DNAJC6: variants seen among roughly 807,000 people sequenced by gnomAD.
DNAJC6 encodes the protein DnaJ heat shock protein family (Hsp40) member C6.
DNAJC6 carries 34 observed loss-of-function variants against 110.0 expected under a neutral mutation model. The observed-to-expected ratio is 0.31, with a 90% CI of 0.24 to 0.41. The LOEUF (loss-of-function observed/expected upper bound fraction) is 0.41. Among genes scored for constraint, DNAJC6 ranks in the 10% least tolerant of loss-of-function variants. The pLI is 1.00. For synonymous variants in DNAJC6, 406 were observed against 437.2 expected, an observed-to-expected ratio of 0.93 and a Z score of 0.89; for missense variants, 1,031 against 1,207.8, an observed-to-expected ratio of 0.85 and a Z score of 2.17.
At chr1:65,302,147 A>T (rs1194900538) in intron 1 of DNAJC6, among the ~76,000 whole-genome samples, 2 of 141,480 alleles carry the variant, frequency 1.4e-5, no homozygotes, top group Admixed American at 7.2e-5. Context: ...AATACGTATT[A>T]TATATATTTA....
chr1:65,294,930 G>C (rs1644915300), intron 1 of DNAJC6, among the ~76,000 whole-genome samples: 1 of 152,194 alleles, frequency 6.6e-6, no homozygotes. Context: ...AGGATTCTAA[G>C]TGGTAGCATG....
In DNAJC6 at chr1:65,415,449, A is replaced by AACACACACACACACAC. The variant is rs68183979; in HGVS notation, c.*2446_*2461dup. 1.4e-5 allele frequency: 2 copies of AACACACACACACACAC among 144,524 alleles called. No individual in the cohort carries two copies. Among genetic ancestry groups the AACACACACACACACAC allele is most frequent in the Admixed American group, 6.9e-5 (1 of 14,474 alleles). 9.0% of individuals were successfully genotyped at this position (144,524 alleles called of 1,614,324 possible). The stretch of plus-strand genomic sequence containing the variant: ...ATTTATACGTAATCACTCCTGCCCC[A>AACACACACACACACAC]ACACACACACACACACACACACACA... On this transcript the variant is annotated 3_prime_UTR_variant, in exon 19 of 19. Transcript: ENST00000371069.
Position 65,364,647 on chromosome 1 carries a change from C to T in DNAJC6, c.206C>T (p.Pro69Leu). ...TTTTTTTTGGCAGGTGCCTCATCTC[C>T]AGACATGGAGCCCAGCTATGGGGGA... is the stretch of plus-strand genomic sequence containing the variant. The part of the protein sequence containing the change: ...STMDSSGASS[P>L]DMEPSYGGGL... The change falls in exon 2 of 19, where the codon CCA becomes CTA. Residue 69 changes from proline to leucine, a missense_variant. Transcript: ENST00000371069. 1 of 1,595,460 alleles carries T rather than the reference C, an allele frequency of 6.3e-7. No homozygotes were observed. The highest frequency in any genetic ancestry group is 8.5e-7 in the Non-Finnish European group (1 of 1,175,190).
chr1:65,267,464 T>TG (rs1235938173), intron 1 of DNAJC6, among the ~76,000 whole-genome samples: 4 of 152,184 alleles, frequency 2.6e-5, no homozygotes, highest in African/African-American at 9.6e-5. Context: ...CAGAAATCAT[T>TG]GCACATAGCA....
At position 65,274,982 on chromosome 1, in the gene DNAJC6, T is replaced by C. The variant is rs183570429; in HGVS notation, c.-131+10050T>C. On this transcript the variant is annotated intron_variant, in intron 1 of 19. Coordinates refer to the DNAJC6 transcript ENST00000263441. The stretch of plus-strand genomic sequence containing the variant: ...TTATATTTAATCATGTTTCAGACAA[T>C]GTTAGGCGCTTAGAAGACTTTAACT... Among the ~76,000 whole-genome samples, 15 of 152,304 alleles carry C rather than the reference T, an allele frequency of 9.8e-5. No individual in the cohort carries two copies. In the East Asian group the frequency reaches 2.3e-3, roughly 23 times the overall value.
chr1:65,388,670 C>T (rs1405494139), intron 9 of DNAJC6, among the ~76,000 whole-genome samples: 2 of 152,186 alleles, frequency 1.3e-5, no homozygotes, highest in South Asian at 2.1e-4. Flanking sequence ...GTAAACAAAG[C>T]GGGACAAAGT....
intron 1 of DNAJC6, among the ~76,000 whole-genome samples, chr1:65,330,533 A>G (rs894849973): frequency 2.6e-5 from 4 of 152,036 alleles, no homozygotes; most frequent in Non-Finnish European, 5.9e-5. Context: ...CAGTGGCCCA[A>G]TTTCGGCTCA....
At chr1:65,344,085 A>C (rs1251338412) in intron 1 of DNAJC6, among the ~76,000 whole-genome samples, 1 of 152,198 alleles carries the variant, frequency 6.6e-6, no homozygotes, top group Admixed American at 6.5e-5. Flanking sequence ...TGCTAAGTAG[A>C]AACAGAAGCT....
intron 1 of DNAJC6, among the ~76,000 whole-genome samples, chr1:65,348,967 AAT>A (rs1222041292): frequency 6.9e-6 from 1 of 145,862 alleles, no homozygotes; most frequent in African/African-American, 2.5e-5. Flanking sequence ...AATATATATA[AAT>A]ATATATGTAA....
At position 65,384,250 on chromosome 1, in the gene DNAJC6, T is replaced by G; in HGVS notation, c.724T>G (p.Tyr242Asp). 6.3e-7 allele frequency: 1 copy of G among 1,588,238 alleles called. No individual in the cohort carries two copies. Among genetic ancestry groups the G allele is most frequent in the Non-Finnish European group, 8.6e-7 (1 of 1,169,112 alleles). ...TGCTATGTTCATTTTCTGTAATCTC[T>G]ACTCTACTCCTGGCCCAGCCATTCG... ...VGAMFIFCNLYSTPGPAIRLL... is the reference protein window; with the variant it reads ...VGAMFIFCNLDSTPGPAIRLL... Residue 242 changes from tyrosine to aspartate, a missense_variant, in exon 6 of 19, where the codon TAC (tyrosine) becomes GAC (aspartate). Transcript: ENST00000371069.
At position 65,392,627 on chromosome 1, in the gene DNAJC6, C is replaced by G; in HGVS notation, c.1665C>G (p.Asp555Glu). 6.2e-7 allele frequency: 1 copy of G among 1,613,730 alleles called. No homozygotes were observed. The highest frequency in any genetic ancestry group is 8.5e-7 in the Non-Finnish European group (1 of 1,179,876). The change falls in exon 12 of 19, where the codon GAC (aspartate) becomes GAG (glutamate). Residue 555 changes from aspartate to glutamate, a missense_variant. By Grantham distance (45) the Asp-to-Glu change is conservative. Coordinates refer to ENST00000371069, the MANE Select transcript of DNAJC6 (RefSeq NM_001256864.2). ...CCCCTCCACCCCCTGAGGATGTGGACCTTTTGGGCCTGGAAGGGTCTGCAA... is the reference window on the plus strand; with the variant it reads ...CCCCTCCACCCCCTGAGGATGTGGAGCTTTTGGGCCTGGAAGGGTCTGCAA... ...PAAPPPPEDV[D>E]LLGLEGSAMS...
chr1:65,280,863 T>C (rs1388892781), intron 1 of DNAJC6, among the ~76,000 whole-genome samples: 1 of 152,172 alleles, frequency 6.6e-6, no homozygotes, highest in Non-Finnish European at 1.5e-5. Context: ...TCTGTGGAGA[T>C]GTTTTTTCAT....
At chr1:65,316,433 C>T (rs760231672) in intron 1 of DNAJC6, among the ~76,000 whole-genome samples, 49 of 152,196 alleles carry the variant, frequency 3.2e-4, no homozygotes, top group South Asian at 4.1e-4. Context: ...CCTTTACTTC[C>T]GTATCACAGC....
chr1:65,405,809 GAC>G, intron 15 of DNAJC6, 59 bp from the exon 16 acceptor site: 1 of 1,529,088 alleles, frequency 6.5e-7, no homozygotes, highest in Non-Finnish European at 8.8e-7. Context: ...AGTGTCTTAA[GAC>G]ACAAGAGTTA....
intron 9 of DNAJC6, 48 bp from the exon 10 acceptor site, chr1:65,389,208 A>G: frequency 6.5e-7 from 1 of 1,538,028 alleles, no homozygotes; most frequent in South Asian, 1.2e-5. Context: ...ACATCATACC[A>G]GTTCCATTGT....
intron 4 of DNAJC6, among the ~76,000 whole-genome samples, chr1:65,368,865 C>G (rs914756944): frequency 1.3e-5 from 2 of 151,106 alleles, no homozygotes; most frequent in African/African-American, 4.9e-5. Context: ...ACCTTCGCCT[C>G]CTGGGTTCTG....
chr1:65,385,463 AT>A (rs778089350), intron 6 of DNAJC6, among the ~76,000 whole-genome samples: 37 of 152,330 alleles, frequency 2.4e-4, no homozygotes, highest in Non-Finnish European at 3.1e-4. Context: ...GTACTATAAA[AT>A]TCCCATAAGC....
chr1:65,312,175 G>A (rs1220194653), intron 1 of DNAJC6, among the ~76,000 whole-genome samples: 1 of 152,224 alleles, frequency 6.6e-6, no homozygotes, highest in African/African-American at 2.4e-5. Context: ...GTTGTGTGAA[G>A]AGGCTGCAGG....
At chr1:65,364,892 AT>A in intron 2 of DNAJC6, 107 bp downstream of exon 2, 1 of 1,405,354 alleles carries the variant, frequency 7.1e-7, no homozygotes, top group Non-Finnish European at 9.7e-7. Flanking sequence ...TTGGGATATA[AT>A]TTTATGGGAT....
Sources: allele counts gnomAD v4.1 joint callset (sites outside exome capture counted in the v4.1 genomes callset), GRCh38; gene constraint gnomAD v4.1.1; transcripts MANE v1.5; gene names NCBI Gene and HGNC (gene_info 2026-07-23, HGNC 2026-07-21).